The following CACNA1A variants were observed in gnomAD, a reference collection of about 807,000 sequenced individuals.
CACNA1A encodes the protein voltage-dependent P/Q-type calcium channel subunit alpha-1A.
In CACNA1A, 57 loss-of-function variants were observed where a neutral mutation model predicts 262.4. That is an observed-to-expected ratio of 0.22 (90% confidence interval 0.18 to 0.27). The LOEUF is 0.27. CACNA1A is among the 10% of genes least tolerant of loss of function. The probability of loss-of-function intolerance (pLI) is 1.00; values close to 1 mark genes in which losing one functional copy is unlikely to be tolerated. For synonymous variants in CACNA1A, 1,431 were observed against 1,419.3 expected (o/e 1.01, Z -0.18); for missense variants, 2,526 against 3,562.8 (o/e 0.71, Z 7.41).
intron 38 of CACNA1A, among the ~76,000 whole-genome samples, chr19:13,222,705 T>C (rs1337040480): frequency 1.3e-5 from 2 of 151,784 alleles, no homozygotes; most frequent in Non-Finnish European, 2.9e-5. Context: ...TCAGCTTTTT[T>C]TTTTTTTGAG....
chr19:13,312,473 C>G (rs55774287), intron 12 of CACNA1A, among the ~76,000 whole-genome samples, 196 bp downstream of exon 12: 93 of 152,260 alleles, frequency 6.1e-4, no homozygotes, highest in African/African-American at 2.2e-3. Context: ...ACGTTTTCCT[C>G]CCACTGGCGG....
chr19:13,252,091 GTCTT>G (rs1568462698), intron 30 of CACNA1A, among the ~76,000 whole-genome samples: 48 of 149,032 alleles, frequency 3.2e-4, no homozygotes, highest in African/African-American at 1.1e-3. Flanking sequence ...TAAAGATGGA[GTCTT>G]GCTGTTGCCC....
At chr19:13,331,849 G>A (rs1047037079) in intron 9 of CACNA1A, among the ~76,000 whole-genome samples, 8 of 151,692 alleles carry the variant, frequency 5.3e-5, no homozygotes, top group Admixed American at 2.0e-4. Flanking sequence ...TTGTAGAGAC[G>A]GAACCTCATT....
At chr19:13,337,652 A>G (rs4926270) in intron 6 of CACNA1A, among the ~76,000 whole-genome samples, 104,848 of 151,658 alleles carry the variant, frequency 0.69, 36,330 homozygotes, top group Admixed American at 0.76. Flanking sequence ...AATAAAACCC[A>G]TAACACATGG....
At chr19:13,394,876 G>A (rs1370969915) in intron 3 of CACNA1A, among the ~76,000 whole-genome samples, 2 of 152,120 alleles carry the variant, frequency 1.3e-5, no homozygotes, top group African/African-American at 2.4e-5. Context: ...CCTAAGGCGG[G>A]TCGTAGAAAC....
At chr19:13,473,911 G>C (rs1978302943) in intron 1 of CACNA1A, among the ~76,000 whole-genome samples, 1 of 152,080 alleles carries the variant, frequency 6.6e-6, no homozygotes, top group African/African-American at 2.4e-5. Context: ...AGATTTTCTG[G>C]AAAGCCCCGG....
At chr19:13,390,568 A>T (rs2059693990) in intron 3 of CACNA1A, among the ~76,000 whole-genome samples, 1 of 152,198 alleles carries the variant, frequency 6.6e-6, no homozygotes, top group Non-Finnish European at 1.5e-5. Flanking sequence ...TTTAAATTTC[A>T]TTTAATTCTA....
At chr19:13,442,244 GT>G (rs1222967067) in intron 3 of CACNA1A, among the ~76,000 whole-genome samples, 13 of 152,192 alleles carry the variant, frequency 8.5e-5, no homozygotes. Context: ...TAGTGAATGG[GT>G]TTTATGTGAA....
rs58357105 is a variant in CACNA1A, at chr19:13,486,396, C to CTG, written c.293+19535_293+19536insCA. Among the ~76,000 whole-genome samples, 118 of 17,084 alleles carry CTG rather than the reference C, an allele frequency of 6.9e-3. No individual in the cohort carries two copies. In the African/African-American group the frequency reaches 0.079, roughly 11 times the overall value. 11.2% of individuals were successfully genotyped at this position (17,084 alleles called of 152,430 possible). A position where few individuals can be genotyped will look rare whatever the true frequency, so the allele number is the denominator to read the frequency against. On this transcript the variant is annotated intron_variant, in intron 1 of 46. Transcript: ENST00000360228. ...TCTCTCTCTCTCTCTGTCTGTCTGT[C>CTG]TCTCTCTCTCTCACACACACACATA... is the stretch of plus-strand genomic sequence containing the variant.
At chr19:13,449,175 C>T (rs886461303) in intron 3 of CACNA1A, among the ~76,000 whole-genome samples, 16 of 151,534 alleles carry the variant, frequency 1.1e-4, no homozygotes, top group African/African-American at 3.9e-4. Flanking sequence ...ACCATGTTGC[C>T]CAGGCTGGTC....
intron 31 of CACNA1A, among the ~76,000 whole-genome samples, chr19:13,237,948 A>AG (rs1184674969): frequency 3.3e-5 from 5 of 152,240 alleles, no homozygotes; most frequent in Admixed American, 2.6e-4. Context: ...CAGCCTCAGG[A>AG]GGGGGGTTTG....
At chr19:13,235,983 G>T (rs925406558) in intron 31 of CACNA1A, 9 of 391,710 alleles carry the variant, frequency 2.3e-5, no homozygotes, top group East Asian at 3.8e-5. Context: ...CTCCCTGCCA[G>T]CCCCACCCAC....
chr19:13,349,646 T>A (rs927556499), intron 6 of CACNA1A, among the ~76,000 whole-genome samples: 1 of 152,130 alleles, frequency 6.6e-6, no homozygotes, highest in Non-Finnish European at 1.5e-5. Context: ...CTCAATCCTA[T>A]TTGCTGTGGG....
chr19:13,280,333 G>T (rs896499721), intron 22 of CACNA1A, among the ~76,000 whole-genome samples: 1 of 150,536 alleles, frequency 6.6e-6, no homozygotes, highest in South Asian at 2.1e-4. Flanking sequence ...GCACCACCAC[G>T]CTCGGTTAAT....
chr19:13,372,184 C>CAG (rs1466660812), intron 3 of CACNA1A, among the ~76,000 whole-genome samples: 1 of 151,686 alleles, frequency 6.6e-6, no homozygotes, highest in East Asian at 1.9e-4. Context: ...TTTTTTGAGA[C>CAG]AGAGTCTCAC....
chr19:13,235,843 G>A, intron 31 of CACNA1A, 113 bp from the exon 32 acceptor site: 1 of 665,938 alleles, frequency 1.5e-6, no homozygotes, highest in Non-Finnish European at 2.7e-6. Flanking sequence ...AAGCAAGCCA[G>A]ACCCCAAATA....
At chr19:13,230,999 T>TG (rs1568442594) in intron 35 of CACNA1A, among the ~76,000 whole-genome samples, 1,879 of 127,702 alleles carry the variant, frequency 0.015, 32 homozygotes, top group East Asian at 0.083. Flanking sequence ...TTTTTTTTTT[T>TG]TTGTTTGTTT....
intron 10 of CACNA1A, among the ~76,000 whole-genome samples, chr19:13,328,292 A>G (rs2058403094): frequency 6.6e-6 from 1 of 152,230 alleles, no homozygotes; most frequent in Non-Finnish European, 1.5e-5. Flanking sequence ...TGAGCGCTCC[A>G]ATTCTTGACA....
At chr19:13,390,711 A>G (rs2059696286) in intron 3 of CACNA1A, among the ~76,000 whole-genome samples, 1 of 152,054 alleles carries the variant, frequency 6.6e-6, no homozygotes, top group South Asian at 2.1e-4. Context: ...CCTATTCTAA[A>G]TGATTTATAA....
Sources: gnomAD v4.1 joint callset for allele counts (sites outside exome capture counted in the v4.1 genomes callset) on GRCh38, gnomAD v4.1.1 for gene constraint, MANE v1.5 for transcripts, NCBI Gene and HGNC (gene_info 2026-07-23, HGNC 2026-07-21) for gene names.